The following PPP4R3B variants were observed in gnomAD, a reference collection of about 807,000 sequenced individuals.
The protein encoded by PPP4R3B is protein phosphatase 4 regulatory subunit 3B.
Under a neutral mutation model 95.4 loss-of-function variants are expected in PPP4R3B, and 52 were observed. The observed-to-expected ratio is 0.54, with a 90% CI of 0.44 to 0.69. PPP4R3B has a LOEUF of 0.69. PPP4R3B is among the 30% of genes least tolerant of loss of function. The pLI is 0.00. For missense variants in PPP4R3B, 1,003 were observed against 1,005.9 expected (o/e 1.00, Z 0.04); for synonymous variants, 407 against 343.9 (o/e 1.18, Z -2.03).
intron 6 of PPP4R3B, among the ~76,000 whole-genome samples, chr2:55,586,346 C>T (rs1269923226): frequency 1.3e-5 from 2 of 152,118 alleles, no homozygotes; most frequent in East Asian, 3.8e-4. Flanking sequence ...TTACTGGCTT[C>T]TATGAAACAC....
At chr2:55,577,500 C>G in intron 10 of PPP4R3B, 144 bp from the exon 11 acceptor site, 6 of 872,544 alleles carry the variant, frequency 6.9e-6, no homozygotes, top group Non-Finnish European at 8.9e-6. Flanking sequence ...GTTGCTTCAG[C>G]AAAATTATAA....
At chr2:55,583,924 G>T (rs769869777) in intron 7 of PPP4R3B, among the ~76,000 whole-genome samples, 3 of 152,150 alleles carry the variant, frequency 2.0e-5, no homozygotes, top group Non-Finnish European at 4.4e-5. Context: ...TTAACAAGTG[G>T]ATCGCACATG....
intron 15 of PPP4R3B, among the ~76,000 whole-genome samples, chr2:55,561,829 A>C (rs1574693926): frequency 6.6e-6 from 1 of 152,344 alleles, no homozygotes; most frequent in East Asian, 1.9e-4. Context: ...TTATAGGATC[A>C]CAGGCAGAAG....
At chr2:55,591,583 T>C (rs1339988362) in intron 4 of PPP4R3B, 2 of 983,990 alleles carry the variant, frequency 2.0e-6, no homozygotes, top group East Asian at 1.1e-4. Context: ...TACCTGAAAA[T>C]TTAATTTTTT....
intron 2 of PPP4R3B, among the ~76,000 whole-genome samples, chr2:55,604,908 C>T (rs1002703235): frequency 6.6e-6 from 1 of 151,968 alleles, no homozygotes; most frequent in Non-Finnish European, 1.5e-5. Flanking sequence ...GGTACAATCA[C>T]GACTCACTGC....
At chr2:55,582,662 A>G (rs1299031274) in intron 7 of PPP4R3B, among the ~76,000 whole-genome samples, 1 of 152,238 alleles carries the variant, frequency 6.6e-6, no homozygotes, top group East Asian at 1.9e-4. Flanking sequence ...ACTGTCTGGT[A>G]AGATCAAGAA....
chr2:55,591,435 G>A (rs1691012780), intron 4 of PPP4R3B: 1 of 795,938 alleles, frequency 1.3e-6, no homozygotes. Flanking sequence ...GAGCCACCAT[G>A]CCCAGCCTAC....
chr2:55,564,798 G>C (rs1313479877), intron 14 of PPP4R3B, 104 bp downstream of exon 14: 5 of 1,379,330 alleles, frequency 3.6e-6, no homozygotes, highest in Non-Finnish European at 5.0e-6. Flanking sequence ...GCTATCCAGT[G>C]ATGGAAAGAA....
chr2:55,608,801 T>C (rs1433162742), intron 2 of PPP4R3B, among the ~76,000 whole-genome samples: 2 of 152,124 alleles, frequency 1.3e-5, no homozygotes, highest in African/African-American at 2.4e-5. Flanking sequence ...CTGGGCATCA[T>C]AGTGAGACCT....
At chr2:55,557,269 T>C (rs958759509) in intron 16 of PPP4R3B, among the ~76,000 whole-genome samples, 3 of 152,316 alleles carry the variant, frequency 2.0e-5, no homozygotes, top group African/African-American at 2.4e-5. Context: ...CATGGCTCAC[T>C]GAAGCCTCCA....
At chr2:55,560,551 A>AGTGG (rs1272466650) in intron 15 of PPP4R3B, among the ~76,000 whole-genome samples, 37 of 152,164 alleles carry the variant, frequency 2.4e-4, no homozygotes, top group African/African-American at 8.4e-4. Context: ...GGCTGAGACA[A>AGTGG]GCGGATCACG....
rs1010668592 is a variant in PPP4R3B, at chr2:55,549,852, G to C, written c.*59C>G. ...GAAAGCTTTCTGATTCAGATTTTCA[G>C]CTCACTGAACAGTTGCAGCATTGTA... is the stretch of plus-strand genomic sequence containing the variant. On this transcript the variant is annotated 3_prime_UTR_variant, in exon 17 of 17. Transcript: ENST00000616407. 8.0e-7 allele frequency: 1 copy of C among 1,255,666 alleles called. No homozygotes were observed. Among genetic ancestry groups the C allele is most frequent in the African/African-American group, 1.5e-5 (1 of 67,592 alleles). The allele number at this position is 1,255,666 out of a possible 1,614,324, so 77.8% of individuals were successfully genotyped here.
intron 2 of PPP4R3B, among the ~76,000 whole-genome samples, chr2:55,606,927 GTCC>G (rs1437468806): frequency 6.6e-6 from 1 of 150,714 alleles, no homozygotes; most frequent in Non-Finnish European, 1.5e-5. Flanking sequence ...TTTCTGCTTT[GTCC>G]CATGGTTGAC....
chr2:55,561,669 T>C (rs1309918757), intron 15 of PPP4R3B, among the ~76,000 whole-genome samples: 1 of 152,254 alleles, frequency 6.6e-6, no homozygotes, highest in African/African-American at 2.4e-5. Context: ...TTTGGAGCTT[T>C]AAGATTTAAA....
At chr2:55,592,223 T>A (rs1279120623) in intron 4 of PPP4R3B, among the ~76,000 whole-genome samples, 1 of 152,172 alleles carries the variant, frequency 6.6e-6, no homozygotes, top group Non-Finnish European at 1.5e-5. Context: ...CAAGTCCAAT[T>A]TTAAATTTCA....
Position 55,578,348 on chromosome 2 carries a change from A to G in PPP4R3B, c.1469-6T>C. On this transcript the variant is annotated splice_region_variant and splice_polypyrimidine_tract_variant and intron_variant, in intron 9 of 16. Coordinates refer to ENST00000616407, the MANE Select transcript of PPP4R3B (RefSeq NM_001122964.3). ...GTAATGTTTTAAAAAAAAATCTGAA[A>G]AAAAATATGGCAAGTTAGTTTTGAT... The G allele has an allele frequency of 1.5e-6, 2 of 1,377,912 alleles. No individual in the cohort carries two copies. The highest frequency in any genetic ancestry group is 9.4e-7 in the Non-Finnish European group (1 of 1,060,042). The allele number at this position is 1,377,912 out of a possible 1,614,324, so 85.4% of individuals were successfully genotyped here.
At chr2:55,574,836 C>T (rs1445718280) in intron 11 of PPP4R3B, among the ~76,000 whole-genome samples, 1 of 151,654 alleles carries the variant, frequency 6.6e-6, no homozygotes, top group African/African-American at 2.4e-5. Flanking sequence ...CCTCGTGATC[C>T]ACCCGCTTCA....
At chr2:55,587,977 TCA>T (rs1208294031) in intron 5 of PPP4R3B, among the ~76,000 whole-genome samples, 1 of 152,196 alleles carries the variant, frequency 6.6e-6, no homozygotes, top group Non-Finnish European at 1.5e-5. Flanking sequence ...CAATTCAATA[TCA>T]GATAGCTAAA....
chr2:55,577,668 T>C (rs1423400928), intron 10 of PPP4R3B, among the ~76,000 whole-genome samples: 4 of 152,154 alleles, frequency 2.6e-5, no homozygotes, highest in Admixed American at 6.5e-5. Flanking sequence ...ATTAGGGTAT[T>C]TCTCTTCATC....
Sources: gnomAD v4.1 joint callset for allele counts (sites outside exome capture counted in the v4.1 genomes callset) on GRCh38, gnomAD v4.1.1 for gene constraint, MANE v1.5 for transcripts, NCBI Gene and HGNC (gene_info 2026-07-23, HGNC 2026-07-21) for gene names.